Variants in CSMD3 observed in about 807,000 individuals in gnomAD.
CSMD3 encodes the protein CUB and Sushi multiple domains 3.
In CSMD3, 177 loss-of-function variants were observed where a neutral mutation model predicts 435.2. That is an observed-to-expected ratio of 0.41 (90% CI 0.36 to 0.46). The LOEUF is 0.46. Among genes scored for constraint, CSMD3 ranks in the 20% least tolerant of loss-of-function variants. CSMD3 has a pLI of 0.34. For missense variants in CSMD3, 4,265 were observed against 4,504.6 expected, an observed-to-expected ratio of 0.95 and a Z score of 1.52; for synonymous variants, 1,656 against 1,520.5, an observed-to-expected ratio of 1.09 and a Z score of -2.07.
intron 13 of CSMD3, among the ~76,000 whole-genome samples, chr8:112,797,319 T>C (rs1322513773): frequency 6.6e-6 from 1 of 151,952 alleles, no homozygotes; most frequent in Non-Finnish European, 1.5e-5. Context: ...ATCCTTGTTC[T>C]ACCAGAGAAG....
At chr8:112,871,571 T>C (rs930765237) in intron 10 of CSMD3, among the ~76,000 whole-genome samples, 10 of 152,012 alleles carry the variant, frequency 6.6e-5, no homozygotes, top group Non-Finnish European at 1.3e-4. Flanking sequence ...TGCATAGCAA[T>C]TGTAGAGAAA....
chr8:113,251,818 C>G (rs2093337388), intron 3 of CSMD3, among the ~76,000 whole-genome samples: 1 of 151,978 alleles, frequency 6.6e-6, no homozygotes, highest in Non-Finnish European at 1.5e-5. Flanking sequence ...TGATCTAACA[C>G]TTTTCTGATT....
chr8:112,249,578 G>T (rs1015807562), intron 63 of CSMD3, among the ~76,000 whole-genome samples: 7 of 152,072 alleles, frequency 4.6e-5, no homozygotes, highest in Admixed American at 2.6e-4. Flanking sequence ...TAAAGTCAGA[G>T]TGATCTATGC....
intron 45 of CSMD3, among the ~76,000 whole-genome samples, chr8:112,327,213 A>T (rs1823597554): frequency 6.6e-6 from 1 of 152,156 alleles, no homozygotes; most frequent in South Asian, 2.1e-4. Flanking sequence ...CTAATTAATA[A>T]CAAATCAAAG....
intron 18 of CSMD3, among the ~76,000 whole-genome samples, chr8:112,654,373 A>G: frequency 6.6e-6 from 1 of 152,350 alleles, no homozygotes; most frequent in East Asian, 1.9e-4. Flanking sequence ...AATATACCAC[A>G]AGACTAATAG....
At chr8:112,955,015 T>A (rs959079382) in intron 7 of CSMD3, among the ~76,000 whole-genome samples, 4 of 151,626 alleles carry the variant, frequency 2.6e-5, no homozygotes, top group African/African-American at 7.2e-5. Flanking sequence ...TGTGCTTTTT[T>A]AAACTGTCCA....
intron 63 of CSMD3, among the ~76,000 whole-genome samples, chr8:112,252,194 C>A (rs540958813): frequency 6.6e-6 from 1 of 151,834 alleles, no homozygotes; most frequent in Non-Finnish European, 1.5e-5. Context: ...TAACTCACTA[C>A]CGGCCACCTA....
intron 25 of CSMD3, among the ~76,000 whole-genome samples, chr8:112,556,003 CAT>C (rs1563697950): frequency 6.6e-6 from 1 of 152,058 alleles, no homozygotes; most frequent in East Asian, 1.9e-4. Flanking sequence ...AGAATCACTG[CAT>C]ATATGTTCTC....
intron 32 of CSMD3, among the ~76,000 whole-genome samples, chr8:112,418,363 G>T (rs973028497): frequency 3.3e-5 from 5 of 151,972 alleles, no homozygotes; most frequent in African/African-American, 1.2e-4. Flanking sequence ...AATATTTTAA[G>T]ACAAAATATT....
intron 24 of CSMD3, among the ~76,000 whole-genome samples, chr8:112,560,542 A>C (rs1828529174): frequency 6.6e-6 from 1 of 151,730 alleles, no homozygotes; most frequent in African/African-American, 2.4e-5. Flanking sequence ...CATTTTTAAA[A>C]ATAGTTTCAA....
At chr8:113,042,254 T>C (rs1405057806) in intron 5 of CSMD3, among the ~76,000 whole-genome samples, 1 of 152,154 alleles carries the variant, frequency 6.6e-6, no homozygotes, top group Non-Finnish European at 1.5e-5. Flanking sequence ...ACAGCAGCGA[T>C]CATGGTTAGA....
intron 5 of CSMD3, among the ~76,000 whole-genome samples, chr8:113,033,490 A>G (rs2087207977): frequency 6.6e-6 from 1 of 151,426 alleles, no homozygotes; most frequent in South Asian, 2.1e-4. Flanking sequence ...TTGTTTTGAT[A>G]AATTTCTCAT....
intron 70 of CSMD3, among the ~76,000 whole-genome samples, chr8:112,225,778 A>G (rs967479541): frequency 2.0e-5 from 3 of 152,172 alleles, no homozygotes; most frequent in African/African-American, 7.2e-5. Flanking sequence ...ATAATTTCTA[A>G]AGGACTACTA....
chr8:112,310,223 T>G (rs1023208619), intron 50 of CSMD3: 2 of 152,334 alleles, frequency 1.3e-5, no homozygotes, highest in Non-Finnish European at 2.9e-5. Context: ...TTGTTTTGTT[T>G]TGTTTTGTTT....
chr8:113,249,264 G>A (rs2093311655), intron 3 of CSMD3, among the ~76,000 whole-genome samples: 2 of 152,084 alleles, frequency 1.3e-5, no homozygotes, highest in African/African-American at 4.8e-5. Flanking sequence ...CCAGCCTTGA[G>A]TGTGTCTTTA....
intron 13 of CSMD3, among the ~76,000 whole-genome samples, chr8:112,772,808 G>A (rs1434532877): frequency 2.8e-4 from 43 of 152,044 alleles, no homozygotes; most frequent in Admixed American, 2.8e-3. Context: ...AATGCATTGA[G>A]ATGTTTATGT....
At chr8:113,407,428 G>A (rs2094537509) in intron 1 of CSMD3, among the ~76,000 whole-genome samples, 1 of 152,118 alleles carries the variant, frequency 6.6e-6, no homozygotes, top group Non-Finnish European at 1.5e-5. Flanking sequence ...TACCCATGAT[G>A]AGGTACATAA....
At chr8:113,160,793 T>C (rs1416501780) in intron 4 of CSMD3, among the ~76,000 whole-genome samples, 1 of 152,104 alleles carries the variant, frequency 6.6e-6, no homozygotes, top group Non-Finnish European at 1.5e-5. Flanking sequence ...CTTCCATGAA[T>C]ATTCTACTCC....
chr8:112,351,393 T>C (rs891937417), intron 39 of CSMD3, 149 bp from the exon 40 acceptor site: 1 of 600,362 alleles, frequency 1.7e-6, no homozygotes, highest in Non-Finnish European at 3.0e-6. Flanking sequence ...TTAGCATGAT[T>C]AAAGTAAGAA....
Sources: gnomAD v4.1 joint callset for allele counts (sites outside exome capture counted in the v4.1 genomes callset) on GRCh38, gnomAD v4.1.1 for gene constraint, MANE v1.5 for transcripts, NCBI Gene and HGNC (gene_info 2026-07-23, HGNC 2026-07-21) for gene names.